CBFA2T2: variants seen among roughly 807,000 people sequenced by gnomAD.
CBFA2T2 encodes CBFA2/RUNX1 partner transcriptional co-repressor 2, also known as protein CBFA2T2.
A neutral mutation model predicts 62.2 loss-of-function variants in CBFA2T2; 11 were observed. That is an observed-to-expected ratio of 0.18 (90% CI 0.11 to 0.29). The LOEUF (loss-of-function observed/expected upper bound fraction) is 0.29, where lower values mean the gene tolerates loss of function less well. Among genes scored for constraint, CBFA2T2 ranks in the 10% least tolerant of loss-of-function variants. CBFA2T2 has a pLI of 1.00. For missense variants in CBFA2T2, 592 were observed against 774.1 expected (o/e 0.76, Z 2.79); for synonymous variants, 295 against 287.5 (o/e 1.03, Z -0.27).
chr20:33,568,184 T>G (rs1214166939), intron 1 of CBFA2T2, among the ~76,000 whole-genome samples: 1 of 152,196 alleles, frequency 6.6e-6, no homozygotes, highest in Non-Finnish European at 1.5e-5. Flanking sequence ...TTCTAAGGAT[T>G]TAATTAGAAA....
At chr20:33,631,997 T>A (rs902476317) in intron 8 of CBFA2T2, among the ~76,000 whole-genome samples, 2 of 152,208 alleles carry the variant, frequency 1.3e-5, no homozygotes, top group African/African-American at 4.8e-5. Context: ...ACGGTTGGCT[T>A]CATCAAGAAA....
At chr20:33,588,809 T>C (rs2014490377) in intron 1 of CBFA2T2, among the ~76,000 whole-genome samples, 1 of 152,054 alleles carries the variant, frequency 6.6e-6, no homozygotes, top group Non-Finnish European at 1.5e-5. Flanking sequence ...TAGCCAGGCA[T>C]GGTGGCAAGT....
chr20:33,546,747 A>G (rs1281301799), intron 1 of CBFA2T2, among the ~76,000 whole-genome samples: 1 of 152,074 alleles, frequency 6.6e-6, no homozygotes, highest in East Asian at 1.9e-4. Flanking sequence ...CACCTGCCTC[A>G]GCTTCCTAAA....
intron 1 of CBFA2T2, among the ~76,000 whole-genome samples, chr20:33,594,343 T>C (rs1246171630): frequency 1.3e-5 from 2 of 152,162 alleles, no homozygotes; most frequent in African/African-American, 2.4e-5. Context: ...TGCCTCAGCC[T>C]CCCGAGTAGC....
At chr20:33,514,346 C>T (rs2011564745) in intron 1 of CBFA2T2, among the ~76,000 whole-genome samples, 1 of 149,716 alleles carries the variant, frequency 6.7e-6, no homozygotes, top group Non-Finnish European at 1.5e-5. Flanking sequence ...TCCCCAGTAA[C>T]TGGGATGACA....
intron 6 of CBFA2T2, among the ~76,000 whole-genome samples, chr20:33,626,669 A>G (rs2016242349): frequency 6.6e-6 from 1 of 152,196 alleles, no homozygotes; most frequent in African/African-American, 2.4e-5. Context: ...CTAAATTTCC[A>G]TGTATACCTT....
intron 1 of CBFA2T2, among the ~76,000 whole-genome samples, chr20:33,522,545 T>C (rs1021970779): frequency 3.3e-5 from 5 of 151,452 alleles, no homozygotes; most frequent in African/African-American, 7.3e-5. Context: ...CTGGTCAACA[T>C]AGCAAGACCC....
chr20:33,524,664 T>C (rs1265276958), intron 1 of CBFA2T2, among the ~76,000 whole-genome samples: 2 of 152,170 alleles, frequency 1.3e-5, no homozygotes, highest in African/African-American at 4.8e-5. Flanking sequence ...TCAATCTTAA[T>C]AGGAGAAAGG....
intron 1 of CBFA2T2, among the ~76,000 whole-genome samples, chr20:33,564,670 TC>T (rs1466544273): frequency 2.6e-5 from 4 of 152,044 alleles, no homozygotes; most frequent in African/African-American, 7.2e-5. Flanking sequence ...CCTTCACTCT[TC>T]CGGACTTCAG....
rs34591002 is a variant in CBFA2T2, at chr20:33,539,687, G to GTT, written c.34+49399_34+49400dup. ...AAGTAAGGTTTTTTTTGTTTTTTGT[G>GTT]TTTTTTTTTTTTTTGGTAGAAGACA... is the stretch of plus-strand genomic sequence containing the variant. On this transcript the variant is annotated intron_variant, in intron 1 of 10. Transcript: ENST00000342704. Among the ~76,000 whole-genome samples, 256 of 138,418 alleles carry GTT rather than the reference G, an allele frequency of 1.8e-3. 1 individual carries two copies. Among genetic ancestry groups the GTT allele is most frequent in the Non-Finnish European group, 2.3e-3 (144 of 63,488 alleles). The allele number at this position is 138,418 out of a possible 152,430, so 90.8% of individuals were successfully genotyped here.
Position 33,547,815 on chromosome 20 carries a change from G to A in CBFA2T2, c.34+57514G>A, listed in dbSNP as rs115117381. Among the ~76,000 whole-genome samples the A allele has an allele frequency of 6.1e-3, 922 of 151,966 alleles. 15 individuals carry two copies. Among genetic ancestry groups the A allele is most frequent in the African/African-American group, 0.021 (888 of 41,416 alleles). On this transcript the variant is annotated intron_variant, in intron 1 of 10. Coordinates refer to ENST00000342704, the MANE Select transcript of CBFA2T2 (RefSeq NM_001032999.3). ...GGCACTCCCAGTATTTTGAATGAAG[G>A]CATGTCAACAAAACTAGATGTAAAA...
intron 1 of CBFA2T2, among the ~76,000 whole-genome samples, chr20:33,523,367 C>T (rs977605477): frequency 1.3e-5 from 2 of 151,868 alleles, no homozygotes; most frequent in Non-Finnish European, 2.9e-5. Flanking sequence ...GCAACCTCTG[C>T]CTCCTGGGTT....
chr20:33,580,994 CTGCCCTCCCTTCCCCTCCCT>C (rs1039670975), intron 1 of CBFA2T2, among the ~76,000 whole-genome samples: 5 of 152,038 alleles, frequency 3.3e-5, no homozygotes, highest in African/African-American at 1.2e-4. Flanking sequence ...GTATATATGT[CTGCCCTCCCTTCCCCTCCCT>C]TGCCCTCCCC....
At chr20:33,499,196 A>G (rs1428231703) in intron 1 of CBFA2T2, among the ~76,000 whole-genome samples, 2 of 152,214 alleles carry the variant, frequency 1.3e-5, no homozygotes, top group African/African-American at 4.8e-5. Flanking sequence ...TGGGATCAAA[A>G]TGAGTTAATT....
intron 1 of CBFA2T2, among the ~76,000 whole-genome samples, chr20:33,543,793 A>AT (rs1381297068): frequency 1.3e-5 from 2 of 152,222 alleles, no homozygotes; most frequent in African/African-American, 2.4e-5. Context: ...TATGATAACC[A>AT]TATTTCAAAG....
In CBFA2T2 at chr20:33,623,801, G is replaced by A. The variant is rs190716917; in HGVS notation, c.692+505G>A. 41 of 716,088 alleles carry A rather than the reference G, an allele frequency of 5.7e-5. 1 individual carries two copies. In the East Asian group the frequency reaches 1.0e-3, roughly 18 times the overall value. The allele number at this position is 716,088 out of a possible 1,614,324, so 44.4% of individuals were successfully genotyped here. A position where few individuals can be genotyped will look rare whatever the true frequency, so the allele number is the denominator to read the frequency against. ...CATAATACATCTAAAATCTATGGGA[G>A]TAGCTTCCAGACATGAGTATTTTTC... On this transcript the variant is annotated intron_variant, in intron 5 of 10. Coordinates refer to ENST00000342704, the MANE Select transcript of CBFA2T2 (RefSeq NM_001032999.3).
intron 1 of CBFA2T2, among the ~76,000 whole-genome samples, chr20:33,571,852 G>A (rs1482521198): frequency 6.6e-6 from 1 of 152,134 alleles, no homozygotes; most frequent in Admixed American, 6.6e-5. Context: ...ATTAGCACTT[G>A]GGAGTGGTGA....
chr20:33,579,799 G>C (rs2014023780), intron 1 of CBFA2T2, among the ~76,000 whole-genome samples: 2 of 147,286 alleles, frequency 1.4e-5, no homozygotes, highest in African/African-American at 2.5e-5. Flanking sequence ...ACATCTTGGT[G>C]TCTCTCTCTC....
At chr20:33,551,078 G>A (rs1038810223) in intron 1 of CBFA2T2, among the ~76,000 whole-genome samples, 6 of 152,112 alleles carry the variant, frequency 3.9e-5, no homozygotes, top group East Asian at 1.9e-4. Flanking sequence ...CTCATTCGAC[G>A]GAAGTGTTCA....
Sources: gnomAD v4.1 joint callset for allele counts (sites outside exome capture counted in the v4.1 genomes callset) on GRCh38, gnomAD v4.1.1 for gene constraint, MANE v1.5 for transcripts, NCBI Gene and HGNC (gene_info 2026-07-23, HGNC 2026-07-21) for gene names.